MYO3B: variants seen among roughly 807,000 people sequenced by gnomAD.
MYO3B encodes myosin IIIB.
A neutral mutation model predicts 174.6 loss-of-function variants in MYO3B; 156 were observed. The observed-to-expected ratio is 0.89, with a 90% CI of 0.78 to 1.02. MYO3B has a LOEUF of 1.02. Ranked by LOEUF, MYO3B falls within the 50% of genes least tolerant of loss-of-function variation. The pLI is 0.00. For missense variants in MYO3B, 1,632 were observed against 1,639.4 expected (o/e 1.00, Z 0.08); for synonymous variants, 563 against 569.1 (o/e 0.99, Z 0.15).
intron 32 of MYO3B, among the ~76,000 whole-genome samples, chr2:170,647,402 G>T (rs962377532): frequency 3.9e-5 from 6 of 152,040 alleles, no homozygotes; most frequent in Non-Finnish European, 8.8e-5. Flanking sequence ...TTATATTTTT[G>T]CATATTGCCA....
chr2:170,625,817 T>C (rs1025147763), intron 32 of MYO3B, among the ~76,000 whole-genome samples: 14 of 152,234 alleles, frequency 9.2e-5, no homozygotes, highest in African/African-American at 3.4e-4. Context: ...ATGTACCCAG[T>C]AGTCATTCAG....
At chr2:170,446,350 T>C (rs139099860) in intron 23 of MYO3B, among the ~76,000 whole-genome samples, 1 of 152,278 alleles carries the variant, frequency 6.6e-6, no homozygotes, top group East Asian at 1.9e-4. Context: ...TTCCTCTGTT[T>C]GATTTTTGAC....
chr2:170,517,102 A>T (rs1158259010), intron 29 of MYO3B, among the ~76,000 whole-genome samples: 1 of 152,196 alleles, frequency 6.6e-6, no homozygotes, highest in Non-Finnish European at 1.5e-5. Context: ...GTGGTTTGAT[A>T]ATCTTATTTA....
At chr2:170,632,587 G>C (rs927578703) in intron 32 of MYO3B, among the ~76,000 whole-genome samples, 1 of 152,110 alleles carries the variant, frequency 6.6e-6, no homozygotes, top group African/African-American at 2.4e-5. Flanking sequence ...AGAGGCAAGA[G>C]CAAACACATT....
intron 7 of MYO3B, among the ~76,000 whole-genome samples, chr2:170,283,005 C>T (rs1018386646): frequency 2.8e-4 from 43 of 152,118 alleles, no homozygotes; most frequent in African/African-American, 1.0e-3. Flanking sequence ...TCTGGGTGGA[C>T]TCAGGGGGAT....
At chr2:170,487,430 C>T (rs538028954) in intron 25 of MYO3B, among the ~76,000 whole-genome samples, 1 of 152,260 alleles carries the variant, frequency 6.6e-6, no homozygotes, top group Non-Finnish European at 1.5e-5. Flanking sequence ...GCACTTCTGC[C>T]CATGCCTGAT....
intron 32 of MYO3B, among the ~76,000 whole-genome samples, chr2:170,621,523 G>T (rs6724403): frequency 0.73 from 108,759 of 149,300 alleles, 39,849 homozygotes; most frequent in African/African-American, 0.78. Flanking sequence ...TTGTTTTTTT[G>T]TTTTTGAGAC....
At chr2:170,400,643 TCCACCCCCCC>T (rs146302231) in intron 17 of MYO3B, among the ~76,000 whole-genome samples, 4,891 of 56,696 alleles carry the variant, frequency 0.086, 239 homozygotes, top group East Asian at 0.35. Context: ...GACCTCATGA[TCCACCCCCCC>T]CCCCTCGGCC....
chr2:170,515,256 C>T (rs530562944), intron 29 of MYO3B, among the ~76,000 whole-genome samples: 81 of 152,306 alleles, frequency 5.3e-4, no homozygotes, highest in African/African-American at 1.9e-3. Context: ...CACAGTTGCC[C>T]CTCCACCTCC....
chr2:170,382,255 A>T, intron 10 of MYO3B, 143 bp downstream of exon 10: 1 of 617,410 alleles, frequency 1.6e-6, no homozygotes, highest in Middle Eastern at 3.8e-4. Flanking sequence ...TTCAGGGAGC[A>T]TTCAGTTGCT....
At chr2:170,192,082 G>C (rs539769515) in intron 1 of MYO3B, among the ~76,000 whole-genome samples, 2 of 152,160 alleles carry the variant, frequency 1.3e-5, no homozygotes, top group South Asian at 2.1e-4. Flanking sequence ...TTTTCTTCAT[G>C]ACCTGGAAAC....
chr2:170,589,395 GT>G (rs1429633505), intron 32 of MYO3B, among the ~76,000 whole-genome samples: 1 of 152,186 alleles, frequency 6.6e-6, no homozygotes, highest in Non-Finnish European at 1.5e-5. Flanking sequence ...AGAAGGCATT[GT>G]TGTCATAGGA....
intron 22 of MYO3B, among the ~76,000 whole-genome samples, chr2:170,427,273 CA>C (rs899538707): frequency 2.0e-5 from 3 of 150,942 alleles, no homozygotes; most frequent in Admixed American, 1.3e-4. Context: ...TTCACTCTTT[CA>C]AAAAAAAATC....
intron 32 of MYO3B, among the ~76,000 whole-genome samples, chr2:170,584,885 T>C (rs1323827079): frequency 2.0e-5 from 3 of 152,254 alleles, no homozygotes; most frequent in Admixed American, 6.5e-5. Flanking sequence ...GTAGTTACTC[T>C]AGAAATCTGG....
intron 32 of MYO3B, among the ~76,000 whole-genome samples, chr2:170,632,428 A>G (rs546226546): frequency 6.6e-6 from 1 of 152,220 alleles, no homozygotes. Flanking sequence ...CTTTGAAACC[A>G]ACGAGAACAA....
chr2:170,301,681 A>G (rs140839637), intron 7 of MYO3B, among the ~76,000 whole-genome samples: 35 of 152,276 alleles, frequency 2.3e-4, no homozygotes, highest in African/African-American at 8.4e-4. Context: ...CTTCAATAAT[A>G]TATGGGCAAT....
intron 7 of MYO3B, among the ~76,000 whole-genome samples, chr2:170,271,590 A>T (rs937214250): frequency 3.9e-5 from 6 of 152,338 alleles, no homozygotes; most frequent in Admixed American, 1.3e-4. Context: ...CAGTGCATAG[A>T]GTACAACGTG....
At chr2:170,428,704 C>T (rs2105877994) in intron 22 of MYO3B, among the ~76,000 whole-genome samples, 1 of 152,278 alleles carries the variant, frequency 6.6e-6, no homozygotes, top group African/African-American at 2.4e-5. Context: ...AACAGTCCAC[C>T]CCCATCTACA....
At chr2:170,314,291 T>G (rs1350712223) in intron 7 of MYO3B, among the ~76,000 whole-genome samples, 2 of 152,210 alleles carry the variant, frequency 1.3e-5, no homozygotes, top group African/African-American at 4.8e-5. Flanking sequence ...CATGTATATG[T>G]TCAACCAACA....
Sources: gnomAD v4.1 joint callset for allele counts (sites outside exome capture counted in the v4.1 genomes callset) on GRCh38, gnomAD v4.1.1 for gene constraint, MANE v1.5 for transcripts, NCBI Gene and HGNC (gene_info 2026-07-23, HGNC 2026-07-21) for gene names.